GASK1A: variants seen among roughly 807,000 people sequenced by gnomAD.
GASK1A encodes the protein Golgi-associated kinase 1A.
GASK1A carries 40 observed loss-of-function variants against 41.2 expected under a neutral mutation model. The observed-to-expected ratio is 0.97, with a 90% CI of 0.75 to 1.27. GASK1A has a LOEUF of 1.27. Ranked by LOEUF, GASK1A falls within the 50% of genes most tolerant of loss-of-function variation. The pLI, the probability that GASK1A is intolerant of heterozygous loss-of-function variation, is 0.00. For synonymous variants in GASK1A, 316 were observed against 307.1 expected, an observed-to-expected ratio of 1.03 and a Z score of -0.30; for missense variants, 678 against 745.1, an observed-to-expected ratio of 0.91 and a Z score of 1.05.
At chr3:43,051,304 T>G (rs953464549) in intron 2 of GASK1A, among the ~76,000 whole-genome samples, 1 of 152,232 alleles carries the variant, frequency 6.6e-6, no homozygotes, top group Non-Finnish European at 1.5e-5. Flanking sequence ...AGTTCAGTGA[T>G]CAGCTGATGA....
At chr3:42,996,566 GA>G (rs928218229) in intron 1 of GASK1A, among the ~76,000 whole-genome samples, 10 of 152,192 alleles carry the variant, frequency 6.6e-5, no homozygotes, top group African/African-American at 2.2e-4. Context: ...TACAGATGAG[GA>G]AATCAAGGCC....
intron 1 of GASK1A, among the ~76,000 whole-genome samples, chr3:43,015,211 A>G (rs964850513): frequency 3.4e-5 from 5 of 147,926 alleles, no homozygotes; most frequent in African/African-American, 1.3e-4. Context: ...GCAGTATGAC[A>G]TCACAGGAAG....
chr3:43,038,848 G>A (rs2089619575), intron 2 of GASK1A, among the ~76,000 whole-genome samples: 1 of 152,110 alleles, frequency 6.6e-6, no homozygotes, highest in African/African-American at 2.4e-5. Context: ...GGACTAAGTA[G>A]GATCTTACTG....
intron 2 of GASK1A, among the ~76,000 whole-genome samples, chr3:43,047,658 CTCT>C (rs1019774777): frequency 8.5e-5 from 13 of 152,154 alleles, no homozygotes; most frequent in African/African-American, 2.9e-4. Flanking sequence ...TTCTCTCATA[CTCT>C]TCTTCTCTCT....
At chr3:43,032,021 G>A (rs1412492662) in intron 1 of GASK1A, among the ~76,000 whole-genome samples, 1 of 152,200 alleles carries the variant, frequency 6.6e-6, no homozygotes, top group Non-Finnish European at 1.5e-5. Flanking sequence ...AGAAGAGCAT[G>A]GGTCTGCAGG....
At chr3:43,030,531 T>C (rs1265479646) in intron 1 of GASK1A, among the ~76,000 whole-genome samples, 1 of 152,244 alleles carries the variant, frequency 6.6e-6, no homozygotes, top group Non-Finnish European at 1.5e-5. Context: ...GGGCAAGGCC[T>C]TTCCTCCTGT....
intron 4 of GASK1A, 98 bp from the exon 5 acceptor site, chr3:43,056,078 T>A: frequency 2.1e-6 from 2 of 968,094 alleles, no homozygotes; most frequent in Non-Finnish European, 3.1e-6. Flanking sequence ...TCCTCAGCTA[T>A]GCAAGCTCTG....
intron 1 of GASK1A, among the ~76,000 whole-genome samples, chr3:43,008,921 C>T (rs1474802410): frequency 6.6e-6 from 1 of 152,148 alleles, no homozygotes; most frequent in Admixed American, 6.6e-5. Flanking sequence ...GGAGAGAGTG[C>T]GGCATGGGGC....
intron 2 of GASK1A, among the ~76,000 whole-genome samples, chr3:43,051,089 G>A (rs941905830): frequency 2.6e-5 from 4 of 151,836 alleles, no homozygotes; most frequent in South Asian, 4.2e-4. Flanking sequence ...ATATTTTTTT[G>A]TTGAAAACTG....
intron 1 of GASK1A, among the ~76,000 whole-genome samples, chr3:43,028,466 T>G (rs11711497): frequency 1.3e-5 from 2 of 152,016 alleles, no homozygotes; most frequent in African/African-American, 4.8e-5. Flanking sequence ...ACAACAGAAC[T>G]AAGACTAAAT....
intron 1 of GASK1A, among the ~76,000 whole-genome samples, chr3:42,980,769 T>C (rs984752305): frequency 6.6e-6 from 1 of 152,044 alleles, no homozygotes. Flanking sequence ...CCTATCCAGC[T>C]TCAGGTTTTT....
intron 2 of GASK1A, 52 bp from the exon 3 acceptor site, chr3:43,053,469 G>A: frequency 6.7e-7 from 1 of 1,491,316 alleles, no homozygotes; most frequent in East Asian, 2.5e-5. Context: ...TGCTATGCCT[G>A]GTGGAGGCAG....
intron 1 of GASK1A, among the ~76,000 whole-genome samples, chr3:43,005,937 T>C (rs1439894987): frequency 6.6e-6 from 1 of 152,188 alleles, no homozygotes; most frequent in Non-Finnish European, 1.5e-5. Flanking sequence ...TTTGGTACTG[T>C]CCAAGGTTTC....
At chr3:43,052,374 C>G (rs922555586) in intron 2 of GASK1A, among the ~76,000 whole-genome samples, 13 of 152,202 alleles carry the variant, frequency 8.5e-5, no homozygotes, top group African/African-American at 2.9e-4. Flanking sequence ...TTCACCTTCT[C>G]TATTCCTCTG....
At chr3:43,050,399 A>G (rs2089683582) in intron 2 of GASK1A, among the ~76,000 whole-genome samples, 1 of 151,770 alleles carries the variant, frequency 6.6e-6, no homozygotes, top group African/African-American at 2.4e-5. Context: ...ATATCAAATT[A>G]CTCTTTGAAA....
At chr3:43,042,849 G>A (rs919578212) in intron 2 of GASK1A, among the ~76,000 whole-genome samples, 2 of 152,200 alleles carry the variant, frequency 1.3e-5, no homozygotes, top group Admixed American at 1.3e-4. Flanking sequence ...TGGGCTTGGG[G>A]CAGATGAAGC....
intron 1 of GASK1A, among the ~76,000 whole-genome samples, chr3:43,024,960 A>G (rs976113658): frequency 5.9e-5 from 9 of 152,314 alleles, no homozygotes; most frequent in Admixed American, 4.6e-4. Flanking sequence ...GTGGTGTCTA[A>G]GCTGAGACCT....
chr3:43,053,938 AG>A, intron 3 of GASK1A: 1 of 458,746 alleles, frequency 2.2e-6, no homozygotes, highest in African/African-American at 2.0e-5. Context: ...GGCTCCTGGA[AG>A]TAGAGTTTGA....
chr3:42,999,321 T>C (rs6764648), intron 1 of GASK1A, among the ~76,000 whole-genome samples: 58,426 of 152,114 alleles, frequency 0.38, 11,663 homozygotes, highest in Non-Finnish European at 0.45. Flanking sequence ...AGCTGGTGCA[T>C]ACTGGTGCTT....
Sources: gnomAD v4.1 joint callset for allele counts (sites outside exome capture counted in the v4.1 genomes callset) on GRCh38, gnomAD v4.1.1 for gene constraint, MANE v1.5 for transcripts, NCBI Gene and HGNC (gene_info 2026-07-23, HGNC 2026-07-21) for gene names.